The following MAP4K5 variants were observed in gnomAD, a reference collection of about 807,000 sequenced individuals.
MAP4K5 encodes mitogen-activated protein kinase kinase kinase kinase 5, also known as MAPK/ERK kinase kinase kinase 5.
MAP4K5 carries 82 observed loss-of-function variants against 135.6 expected under a neutral mutation model. The observed-to-expected ratio is 0.60, with a 90% CI of 0.51 to 0.73. MAP4K5 has a LOEUF of 0.73. Ranked by LOEUF, MAP4K5 falls within the 30% of genes least tolerant of loss-of-function variation. The probability of loss-of-function intolerance (pLI) is 0.00; values close to 1 mark genes in which losing one functional copy is unlikely to be tolerated. For missense variants in MAP4K5, 907 were observed against 1,010.9 expected (o/e 0.90, Z 1.39); for synonymous variants, 347 against 335.0 (o/e 1.04, Z -0.39).
At chr14:50,463,868 G>A (rs1333223322) in intron 12 of MAP4K5, among the ~76,000 whole-genome samples, 184 bp downstream of exon 12, 1 of 121,342 alleles carries the variant, frequency 8.2e-6, no homozygotes, top group African/African-American at 3.2e-5. Flanking sequence ...TCCAGTCTGG[G>A]TGACAGAGTG....
chr14:50,431,900 G>A (rs1464848371), intron 28 of MAP4K5, among the ~76,000 whole-genome samples: 1 of 152,136 alleles, frequency 6.6e-6, no homozygotes, highest in Non-Finnish European at 1.5e-5. Flanking sequence ...ATACCTCTTT[G>A]GGAAGCCTAT....
chr14:50,502,859 G>C (rs915674971), intron 3 of MAP4K5, among the ~76,000 whole-genome samples: 1 of 151,928 alleles, frequency 6.6e-6, no homozygotes, highest in African/African-American at 2.4e-5. Flanking sequence ...TGGGAAACTA[G>C]CCATTTGAAA....
chr14:50,482,439 T>C (rs775716736), intron 5 of MAP4K5, 23 bp from the exon 6 acceptor site: 23 of 1,458,612 alleles, frequency 1.6e-5, no homozygotes, highest in Non-Finnish European at 1.9e-5. Flanking sequence ...AGAGACCACA[T>C]TGTTATACAT....
At chr14:50,518,694 T>C (rs759471037) in intron 2 of MAP4K5, among the ~76,000 whole-genome samples, 2 of 152,216 alleles carry the variant, frequency 1.3e-5, no homozygotes. Context: ...TCTCAGGTCT[T>C]CCGCCCAATC....
chr14:50,484,464 C>T (rs2037320316), intron 5 of MAP4K5, among the ~76,000 whole-genome samples: 1 of 152,104 alleles, frequency 6.6e-6, no homozygotes, highest in African/African-American at 2.4e-5. Context: ...ACTTAGTCAA[C>T]TGGTAGGTAT....
chr14:50,509,389 A>T (rs2037882996), intron 2 of MAP4K5, among the ~76,000 whole-genome samples: 1 of 152,222 alleles, frequency 6.6e-6, no homozygotes, highest in Non-Finnish European at 1.5e-5. Context: ...ATTATTTAAC[A>T]GATCAGCAAC....
At chr14:50,531,810 G>T in intron 2 of MAP4K5, 132 bp downstream of exon 2, 1 of 730,878 alleles carries the variant, frequency 1.4e-6, no homozygotes. Context: ...GAGTAAAAGG[G>T]ACCCCGGCCG....
chr14:50,511,908 T>A (rs549589241), intron 2 of MAP4K5, among the ~76,000 whole-genome samples: 3 of 151,964 alleles, frequency 2.0e-5, no homozygotes, highest in African/African-American at 7.2e-5. Context: ...AAGAGACAAA[T>A]AGGTGAAGCA....
rs546437436 is a variant in MAP4K5 at position 50,527,332 on chromosome 14, C to T, written c.108+4610G>A. On this transcript the variant is annotated intron_variant, in intron 2 of 32. Coordinates refer to ENST00000682126, the MANE Select transcript of MAP4K5 (RefSeq NM_006575.6). ...TCCAGCCTGGCGACACTGCAAGACTCCGTCTCAAAAAAAAAAGTACTTTTG... is the reference window on the plus strand; with the variant it reads ...TCCAGCCTGGCGACACTGCAAGACTTCGTCTCAAAAAAAAAAGTACTTTTG... Among the ~76,000 whole-genome samples the T allele has an allele frequency of 7.9e-5, 12 of 151,700 alleles. No individual in the cohort carries two copies. The East Asian group carries it at 2.3e-3, about 29-fold the overall frequency.
chr14:50,423,116 AT>A lies in MAP4K5; in HGVS notation c.2453+4del. On this transcript the variant is annotated splice_donor_region_variant and intron_variant, in intron 32 of 32. Coordinates refer to ENST00000682126, the MANE Select transcript of MAP4K5 (RefSeq NM_006575.6). ...GTAATTAAATTAATACAACCAAACT[AT>A]TACCTGTCTGATCCTAATAAGCGGA... 6.6e-7 allele frequency: 1 copy of A among 1,505,038 alleles called. No homozygotes were observed. The highest frequency in any genetic ancestry group is 9.2e-7 in the Non-Finnish European group (1 of 1,089,846). The allele number at this position is 1,505,038 out of a possible 1,614,324, so 93.2% of individuals were successfully genotyped here. A position where few individuals can be genotyped will look rare whatever the true frequency, so the allele number is the denominator to read the frequency against.
chr14:50,474,996 T>C (rs1053252403), intron 9 of MAP4K5, 81 bp downstream of exon 9: 4 of 1,175,086 alleles, frequency 3.4e-6, no homozygotes, highest in Middle Eastern at 2.1e-4. Context: ...TAATTATTAC[T>C]TCTATTACCA....
intron 9 of MAP4K5, among the ~76,000 whole-genome samples, chr14:50,473,642 G>A (rs2037022834): frequency 6.7e-6 from 1 of 148,994 alleles, no homozygotes; most frequent in African/African-American, 2.5e-5. Context: ...TCCTTTTAAG[G>A]TTTTATTCTT....
chr14:50,457,249 G>A (rs2036611289), intron 13 of MAP4K5, among the ~76,000 whole-genome samples: 4 of 152,112 alleles, frequency 2.6e-5, no homozygotes, highest in Admixed American at 2.6e-4. Context: ...CAGTTTCTTG[G>A]CAAAAGGAAT....
At position 50,504,611 on chromosome 14, in the gene MAP4K5, T is replaced by C. The variant is rs547765145; in HGVS notation, c.166+189A>G. Among the ~76,000 whole-genome samples, 4 of 152,248 alleles carry C rather than the reference T, an allele frequency of 2.6e-5. No individual in the cohort carries two copies. The South Asian group carries it at 8.3e-4, about 32-fold the overall frequency. ...TGTCTTCCAATTCTGAATGTGTACA[T>C]GTCAAATTTTATTTGGCAACAAAAC... On this transcript the variant is annotated intron_variant, in intron 3 of 32. Transcript: ENST00000682126.
At position 50,559,926 on chromosome 14, in the gene MAP4K5, T is replaced by G. The variant is rs1230924501; in HGVS notation, c.-180+1114A>C. On this transcript the variant is annotated intron_variant, in intron 1 of 8. Transcript: ENST00000555216. ...AACGCTGTTAAATTCTTTGAGAGTG[T>G]GTTCGAGGGGGGTGCTGTTTATTTG... The G allele has an allele frequency of 7.8e-6, 3 of 383,278 alleles. No homozygotes were observed. The East Asian group carries it at 1.5e-4, about 19-fold the overall frequency. 23.7% of individuals were successfully genotyped at this position (383,278 alleles called of 1,614,324 possible). A position where few individuals can be genotyped will look rare whatever the true frequency, so the allele number is the denominator to read the frequency against.
chr14:50,476,083 T>A (rs1230798132), intron 8 of MAP4K5, 45 bp downstream of exon 8: 1 of 1,011,586 alleles, frequency 9.9e-7, no homozygotes, highest in South Asian at 1.8e-5. Context: ...TATTAAAATG[T>A]CATTAAATTT....
At position 50,551,954 on chromosome 14, in the gene MAP4K5, G is replaced by A. The variant is rs539312350; in HGVS notation, c.-180+9086C>T. On this transcript the variant is annotated intron_variant, in intron 1 of 8. Coordinates refer to the MAP4K5 transcript ENST00000555216. ...GCATTCCCCCAGAGAACTAGAACAAGACAAGAATACCCACTTTCACCACTT... is the reference window on the plus strand; with the variant it reads ...GCATTCCCCCAGAGAACTAGAACAAAACAAGAATACCCACTTTCACCACTT... Among the ~76,000 whole-genome samples the A allele has an allele frequency of 1.5e-3, 222 of 152,168 alleles. 1 individual carries two copies. The highest frequency in any genetic ancestry group is 5.2e-3 in the African/African-American group (216 of 41,528).
rs1381967325 is a variant in MAP4K5, at chr14:50,443,865, T to C, written c.1437+74A>G. ...ACTTCTGTTACTTGAATTACTGAAT[T>C]AAACAGACTATGCCCCTTGCATGAT... On this transcript the variant is annotated intron_variant, in intron 19 of 32. Transcript: ENST00000682126. The C allele has an allele frequency of 7.5e-6, 11 of 1,465,626 alleles. No homozygotes were observed. In the African/African-American group the frequency reaches 1.4e-4, roughly 19 times the overall value. The allele number at this position is 1,465,626 out of a possible 1,614,324, so 90.8% of individuals were successfully genotyped here.
intron 3 of MAP4K5, among the ~76,000 whole-genome samples, chr14:50,499,779 G>A (rs1046573776): frequency 1.3e-5 from 2 of 152,044 alleles, no homozygotes; most frequent in Non-Finnish European, 2.9e-5. Flanking sequence ...CAAAACTGCA[G>A]ATGAAAAAAG....
Sources: gnomAD v4.1 joint callset for allele counts (sites outside exome capture counted in the v4.1 genomes callset) on GRCh38, gnomAD v4.1.1 for gene constraint, MANE v1.5 for transcripts, NCBI Gene and HGNC (gene_info 2026-07-23, HGNC 2026-07-21) for gene names.